The following TNFSF4 variants were observed in gnomAD, a reference collection of about 807,000 sequenced individuals.
The protein encoded by TNFSF4 is tumor necrosis factor ligand superfamily member 4.
Under a neutral mutation model 7.3 loss-of-function variants are expected in TNFSF4, and 4 were observed. The ratio of observed to expected loss-of-function variants is 0.55; its 90% confidence interval spans 0.27 to 1.25. The LOEUF (loss-of-function observed/expected upper bound fraction) is 1.25. Ranked by LOEUF, TNFSF4 falls within the 50% of genes most tolerant of loss-of-function variation. TNFSF4 has a pLI of 0.12. For missense variants in TNFSF4, 181 were observed against 208.8 expected, an observed-to-expected ratio of 0.87 and a Z score of 0.82; for synonymous variants, 76 against 83.7, an observed-to-expected ratio of 0.91 and a Z score of 0.50.
chr1:173,203,287 C>T (rs1650024866), intron 1 of TNFSF4, among the ~76,000 whole-genome samples: 1 of 152,094 alleles, frequency 6.6e-6, no homozygotes, highest in Non-Finnish European at 1.5e-5. Context: ...AATACCTGCC[C>T]CCAAATTCAA....
the TNFSF4 span, among the ~76,000 whole-genome samples, chr1:173,266,342 C>A: frequency 6.6e-6 from 1 of 152,144 alleles, no homozygotes; most frequent in Admixed American, 6.6e-5. Flanking sequence ...TACTACACCA[C>A]GAAAATACAG....
the TNFSF4 span, among the ~76,000 whole-genome samples, chr1:173,327,577 T>C: frequency 6.6e-6 from 1 of 151,316 alleles, no homozygotes; most frequent in Non-Finnish European, 1.5e-5. Flanking sequence ...ACCTACAGAA[T>C]GGGAGAAAAT....
the TNFSF4 span, among the ~76,000 whole-genome samples, chr1:173,267,870 T>TGAGAG: frequency 5.2e-5 from 7 of 134,734 alleles, no homozygotes; most frequent in African/African-American, 1.7e-4. Context: ...AGTGAGGAGA[T>TGAGAG]GAGAGGAGAG....
chr1:173,435,175 T>C, the TNFSF4 span, among the ~76,000 whole-genome samples: 1 of 152,046 alleles, frequency 6.6e-6, no homozygotes, highest in African/African-American at 2.4e-5. Flanking sequence ...AAAACCCCTA[T>C]ATAGATGGAC....
At chr1:173,420,495 T>C in the TNFSF4 span, among the ~76,000 whole-genome samples, 1 of 152,190 alleles carries the variant, frequency 6.6e-6, no homozygotes, top group East Asian at 1.9e-4. Context: ...CAGCCTCACT[T>C]AGGCACATTG....
the TNFSF4 span, among the ~76,000 whole-genome samples, chr1:173,256,539 C>A: frequency 1.3e-5 from 2 of 152,130 alleles, no homozygotes; most frequent in African/African-American, 4.8e-5. Flanking sequence ...GGCTTCAACA[C>A]ATGAATTTGG....
chr1:173,281,173 A>T, the TNFSF4 span, among the ~76,000 whole-genome samples: 39 of 152,254 alleles, frequency 2.6e-4, no homozygotes, highest in Middle Eastern at 6.8e-3. Flanking sequence ...GTCTCACACA[A>T]AGTTCGTTGG....
the TNFSF4 span, among the ~76,000 whole-genome samples, chr1:173,346,647 G>T: frequency 6.6e-6 from 1 of 152,178 alleles, no homozygotes; most frequent in East Asian, 1.9e-4. Context: ...TATAAGGAGG[G>T]TGTTAGTTTT....
the TNFSF4 span, among the ~76,000 whole-genome samples, chr1:173,275,143 C>T: frequency 6.6e-6 from 1 of 152,074 alleles, no homozygotes; most frequent in African/African-American, 2.4e-5. Context: ...GAGCATGCAG[C>T]ACAAGCTCCG....
chr1:173,392,861 T>C, the TNFSF4 span, among the ~76,000 whole-genome samples: 2,178 of 152,252 alleles, frequency 0.014, 49 homozygotes, highest in African/African-American at 0.049. Context: ...CACTGATGAA[T>C]TGCCATTACA....
the TNFSF4 span, among the ~76,000 whole-genome samples, chr1:173,408,100 C>A: frequency 6.6e-6 from 1 of 152,334 alleles, no homozygotes; most frequent in Admixed American, 6.5e-5. Context: ...AAATACACTT[C>A]TGTTGTTTAT....
the TNFSF4 span, among the ~76,000 whole-genome samples, chr1:173,397,116 G>A: frequency 6.6e-5 from 10 of 152,268 alleles, no homozygotes; most frequent in East Asian, 1.5e-3. Flanking sequence ...GGCTGATCAC[G>A]GTGTTCCTAG....
At chr1:173,217,623 G>A in the TNFSF4 span, among the ~76,000 whole-genome samples, 1 of 152,100 alleles carries the variant, frequency 6.6e-6, no homozygotes, top group Non-Finnish European at 1.5e-5. Context: ...TTTTTTCAGA[G>A]AGCTGCTTTA....
chr1:173,375,595 T>C, the TNFSF4 span, among the ~76,000 whole-genome samples: 1 of 151,878 alleles, frequency 6.6e-6, no homozygotes. Context: ...CAATCAGCAC[T>C]CTGTAAAATG....
chr1:173,364,296 AAAGT>A, the TNFSF4 span, among the ~76,000 whole-genome samples: 119 of 149,334 alleles, frequency 8.0e-4, no homozygotes, highest in African/African-American at 2.8e-3. Flanking sequence ...TAAAAAGAAA[AAAGT>A]AAGTATTTCA....
chr1:173,343,300 G>C, the TNFSF4 span, among the ~76,000 whole-genome samples: 2 of 152,140 alleles, frequency 1.3e-5, no homozygotes, highest in Non-Finnish European at 2.9e-5. Flanking sequence ...ACTACAAATA[G>C]GATAGTCGGA....
At chr1:173,193,468 A>G (rs1377437552) in intron 1 of TNFSF4, among the ~76,000 whole-genome samples, 1 of 152,226 alleles carries the variant, frequency 6.6e-6, no homozygotes, top group African/African-American at 2.4e-5. Flanking sequence ...TTAGTTGAAC[A>G]TTATATTTTG....
At chr1:173,384,916 A>C in the TNFSF4 span, among the ~76,000 whole-genome samples, 1 of 152,248 alleles carries the variant, frequency 6.6e-6, no homozygotes, top group Non-Finnish European at 1.5e-5. Context: ...CCCAATTCAT[A>C]AAAATGGGTA....
chr1:173,314,752 T>C, the TNFSF4 span, among the ~76,000 whole-genome samples: 4 of 152,140 alleles, frequency 2.6e-5, no homozygotes, highest in Non-Finnish European at 4.4e-5. Context: ...CTTTGCATCA[T>C]GATGTAATGC....
Sources: gnomAD v4.1 joint callset for allele counts (sites outside exome capture counted in the v4.1 genomes callset) on GRCh38, gnomAD v4.1.1 for gene constraint, MANE v1.5 for transcripts, NCBI Gene and HGNC (gene_info 2026-07-23, HGNC 2026-07-21) for gene names.